SAMD4A: variants seen among roughly 807,000 people sequenced by gnomAD.
SAMD4A encodes sterile alpha motif domain containing 4A.
Under a neutral mutation model 81.3 loss-of-function variants are expected in SAMD4A, and 33 were observed. The observed-to-expected ratio is 0.41, with a 90% CI of 0.31 to 0.54. The LOEUF (loss-of-function observed/expected upper bound fraction) is 0.54. SAMD4A is among the 20% of genes least tolerant of loss of function. The pLI, the probability that SAMD4A is intolerant of heterozygous loss-of-function variation, is 0.37. For synonymous variants in SAMD4A, 389 were observed against 382.1 expected (o/e 1.02, Z -0.21); for missense variants, 854 against 951.1 (o/e 0.90, Z 1.34).
At chr14:54,674,356 G>C (rs1054259047) in intron 2 of SAMD4A, among the ~76,000 whole-genome samples, 3 of 152,252 alleles carry the variant, frequency 2.0e-5, no homozygotes, top group Non-Finnish European at 4.4e-5. Flanking sequence ...CTCTAAAAAA[G>C]TAAGACTGTA....
chr14:54,715,136 G>A (rs966237160), intron 3 of SAMD4A, among the ~76,000 whole-genome samples: 1 of 152,000 alleles, frequency 6.6e-6, no homozygotes, highest in Admixed American at 6.6e-5. Context: ...AACAAATGAG[G>A]CTCTGTACAC....
intron 2 of SAMD4A, among the ~76,000 whole-genome samples, chr14:54,605,655 T>G (rs1287184367): frequency 6.6e-6 from 1 of 152,210 alleles, no homozygotes; most frequent in East Asian, 1.9e-4. Context: ...ATTGTTTTTT[T>G]ATAAATATAA....
At chr14:54,764,052 G>C (rs1411745087) in intron 7 of SAMD4A, among the ~76,000 whole-genome samples, 1 of 152,202 alleles carries the variant, frequency 6.6e-6, no homozygotes, top group Non-Finnish European at 1.5e-5. Flanking sequence ...GGCGAGGGGT[G>C]TGCGCTCATT....
At chr14:54,579,254 A>AC in intron 2 of SAMD4A, among the ~76,000 whole-genome samples, 1 of 152,306 alleles carries the variant, frequency 6.6e-6, no homozygotes, top group South Asian at 2.1e-4. Flanking sequence ...TAATGGGCTG[A>AC]CCTCTCAGAG....
At chr14:54,588,509 A>G (rs2033685791) in intron 2 of SAMD4A, among the ~76,000 whole-genome samples, 1 of 151,840 alleles carries the variant, frequency 6.6e-6, no homozygotes, top group Admixed American at 6.6e-5. Context: ...AGACTTTTTG[A>G]TGTAGGCATT....
At chr14:54,662,815 C>A (rs186766408) in intron 2 of SAMD4A, among the ~76,000 whole-genome samples, 1 of 152,094 alleles carries the variant, frequency 6.6e-6, no homozygotes, top group Non-Finnish European at 1.5e-5. Flanking sequence ...TATGGCCCTG[C>A]GATTCCTACA....
intron 2 of SAMD4A, among the ~76,000 whole-genome samples, chr14:54,684,862 G>A (rs11623013): frequency 0.14 from 21,444 of 152,220 alleles, 2,059 homozygotes; most frequent in Non-Finnish European, 0.21. Context: ...GGGTTAAGCC[G>A]GGTGCCTCAG....
intron 4 of SAMD4A, among the ~76,000 whole-genome samples, chr14:54,743,052 G>A (rs988496243): frequency 1.3e-5 from 2 of 152,172 alleles, no homozygotes; most frequent in Non-Finnish European, 2.9e-5. Flanking sequence ...GAAAAATTAT[G>A]GAGAGGTGAG....
At chr14:54,713,337 T>C (rs545834352) in intron 3 of SAMD4A, among the ~76,000 whole-genome samples, 19 of 152,228 alleles carry the variant, frequency 1.2e-4, no homozygotes, top group Admixed American at 6.5e-4. Flanking sequence ...CCATCTCCCA[T>C]CCCCACCCCA....
At chr14:54,628,450 A>G (rs983894249) in intron 2 of SAMD4A, among the ~76,000 whole-genome samples, 4 of 152,154 alleles carry the variant, frequency 2.6e-5, no homozygotes, top group South Asian at 2.1e-4. Context: ...TCTGCATCAG[A>G]TGAAATTGCT....
chr14:54,686,757 G>A (rs1570254), intron 2 of SAMD4A, among the ~76,000 whole-genome samples: 3,196 of 152,250 alleles, frequency 0.021, 51 homozygotes, highest in Non-Finnish European at 0.032. Context: ...TTGGTTACGC[G>A]CTAAATTGGG....
At chr14:54,610,727 G>C (rs1330150899) in intron 2 of SAMD4A, among the ~76,000 whole-genome samples, 1 of 152,200 alleles carries the variant, frequency 6.6e-6, no homozygotes, top group Non-Finnish European at 1.5e-5. Flanking sequence ...TGAAATAGCA[G>C]ATAGTCAATG....
chr14:54,714,357 TAATG>T (rs796420307), intron 3 of SAMD4A, among the ~76,000 whole-genome samples: 3 of 152,324 alleles, frequency 2.0e-5, no homozygotes, highest in East Asian at 1.9e-4. Flanking sequence ...TAAGCAAAAA[TAATG>T]AATATTTCTA....
intron 3 of SAMD4A, 94 bp downstream of exon 3, chr14:54,702,674 G>A: frequency 1.4e-6 from 2 of 1,417,028 alleles, no homozygotes; most frequent in Non-Finnish European, 1.9e-6. Context: ...CATGCACCCT[G>A]TGACCCTGGG....
At chr14:54,685,980 C>T (rs2036258004) in intron 2 of SAMD4A, 1 of 420,082 alleles carries the variant, frequency 2.4e-6, no homozygotes, top group Non-Finnish European at 4.8e-6. Flanking sequence ...AAGTGATGCT[C>T]CTGTGAAGCT....
intron 2 of SAMD4A, among the ~76,000 whole-genome samples, chr14:54,699,921 A>ACTT (rs111786327): frequency 0.036 from 5,524 of 152,266 alleles, 157 homozygotes; most frequent in African/African-American, 0.08. Context: ...GGAGACTTCT[A>ACTT]CAAGTAGTTG....
intron 2 of SAMD4A, among the ~76,000 whole-genome samples, chr14:54,585,007 G>T (rs780454413): frequency 2.6e-5 from 4 of 151,938 alleles, no homozygotes; most frequent in Non-Finnish European, 5.9e-5. Context: ...TTTTCATTTT[G>T]TTGGCTATAT....
At chr14:54,580,313 C>T (rs1241850432) in intron 2 of SAMD4A, among the ~76,000 whole-genome samples, 1 of 152,158 alleles carries the variant, frequency 6.6e-6, no homozygotes, top group East Asian at 1.9e-4. Flanking sequence ...TAAAATGGTC[C>T]CCTCAAAGTC....
chr14:54,649,151 G>A (rs750974003), intron 2 of SAMD4A, among the ~76,000 whole-genome samples: 3 of 152,196 alleles, frequency 2.0e-5, no homozygotes, highest in Non-Finnish European at 2.9e-5. Context: ...AGCTAGACAT[G>A]CCCGTTAGAT....
Sources: gnomAD v4.1 joint callset for allele counts (sites outside exome capture counted in the v4.1 genomes callset) on GRCh38, gnomAD v4.1.1 for gene constraint, MANE v1.5 for transcripts, NCBI Gene and HGNC (gene_info 2026-07-23, HGNC 2026-07-21) for gene names.